The following OSBP2 variants were observed in gnomAD, a reference collection of about 807,000 sequenced individuals.
The protein encoded by OSBP2 is oxysterol binding protein 2.
OSBP2 carries 66 observed loss-of-function variants against 96.0 expected under a neutral mutation model. The observed-to-expected ratio is 0.69, with a 90% CI of 0.56 to 0.84. The LOEUF is 0.84. OSBP2 is among the 40% of genes least tolerant of loss of function. The probability of loss-of-function intolerance (pLI) is 0.00; values close to 1 mark genes in which losing one functional copy is unlikely to be tolerated. For missense variants in OSBP2, 1,038 were observed against 1,222.7 expected (o/e 0.85, Z 2.25); for synonymous variants, 525 against 520.9 (o/e 1.01, Z -0.11).
rs199929883 is a variant in OSBP2, at chr22:30,897,952, G to GAAA, written c.2375+3966_2375+3968dup. On this transcript the variant is annotated intron_variant, in intron 12 of 13. Transcript: ENST00000332585. ...GTGACAGAGTGAGACTCCGTCTCAGGAAAAAAAAAAAAAAAAAGATATTTA... is the reference window on the plus strand; with the variant it reads ...GTGACAGAGTGAGACTCCGTCTCAGGAAAAAAAAAAAAAAAAAAAAGATATTTA... Among the ~76,000 whole-genome samples the GAAA allele has an allele frequency of 2.8e-3, 299 of 105,364 alleles. 1 individual carries two copies. The highest frequency in any genetic ancestry group is 9.3e-3 in the African/African-American group (276 of 29,656). The allele number at this position is 105,364 out of a possible 152,430, so 69.1% of individuals were successfully genotyped here.
chr22:30,813,168 A>G lies in OSBP2; in HGVS notation c.854-57261A>G, dbSNP rs926020890. Reference sequence around the variant, plus strand: ...GGAGCCTGGAGGCTTACGATGTTGCATTCTTTTTTTTTTTTTTTTTTTTTT... The same window carrying G: ...GGAGCCTGGAGGCTTACGATGTTGCGTTCTTTTTTTTTTTTTTTTTTTTTT... On this transcript the variant is annotated intron_variant, in intron 2 of 13. Coordinates refer to ENST00000332585, the MANE Select transcript of OSBP2 (RefSeq NM_030758.4). Among the ~76,000 whole-genome samples, 20 of 118,780 alleles carry G rather than the reference A, an allele frequency of 1.7e-4. 3 individuals carry two copies. The highest frequency in any genetic ancestry group is 1.5e-3 in the Admixed American group (17 of 11,668). 77.9% of individuals were successfully genotyped at this position (118,780 alleles called of 152,430 possible).
chr22:30,774,356 A>G (rs1191979386), intron 2 of OSBP2, among the ~76,000 whole-genome samples: 1 of 152,158 alleles, frequency 6.6e-6, no homozygotes, highest in African/African-American at 2.4e-5. Flanking sequence ...AGCCAACAAT[A>G]AAGTTGGGCC....
intron 2 of OSBP2, among the ~76,000 whole-genome samples, chr22:30,819,048 C>A (rs1389136669): frequency 6.6e-6 from 1 of 152,094 alleles, no homozygotes; most frequent in Non-Finnish European, 1.5e-5. Flanking sequence ...CAAAAGACAC[C>A]CGTGGGCCAG....
intron 12 of OSBP2, among the ~76,000 whole-genome samples, chr22:30,899,958 A>G (rs1420385569): frequency 6.6e-6 from 1 of 152,218 alleles, no homozygotes; most frequent in East Asian, 1.9e-4. Flanking sequence ...GAAAAATGCA[A>G]TTTAAGATAA....
At chr22:30,882,739 TGA>T (rs2039730063) in intron 3 of OSBP2, among the ~76,000 whole-genome samples, 1 of 152,202 alleles carries the variant, frequency 6.6e-6, no homozygotes, top group African/African-American at 2.4e-5. Context: ...CCATTTTCTA[TGA>T]GAGGCTATCA....
At chr22:30,701,728 G>A (rs1050271621) in intron 1 of OSBP2, among the ~76,000 whole-genome samples, 2 of 152,156 alleles carry the variant, frequency 1.3e-5, no homozygotes, top group East Asian at 3.8e-4. Flanking sequence ...ATGAAGTTGA[G>A]GGTGCAAGTG....
Position 30,708,029 on chromosome 22 carries a change from G to A in OSBP2, c.644+12476G>A, listed in dbSNP as rs140590699. ...CACCCTCCCGAGTCGATGGGATTAC[G>A]GGCATCTGCCACCATGCCTGGCTAA... is the stretch of plus-strand genomic sequence containing the variant. On this transcript the variant is annotated intron_variant, in intron 1 of 13. Transcript: ENST00000332585. Among the ~76,000 whole-genome samples, 677 of 151,612 alleles carry A rather than the reference G, an allele frequency of 4.5e-3. 5 individuals are homozygous for A. The highest frequency in any genetic ancestry group is 0.015 in the African/African-American group (622 of 41,340).
chr22:30,817,208 AT>A (rs1304700408), intron 2 of OSBP2, among the ~76,000 whole-genome samples: 1 of 152,238 alleles, frequency 6.6e-6, no homozygotes, highest in African/African-American at 2.4e-5. Flanking sequence ...AAGAATGGCT[AT>A]TCTTAGAACA....
At chr22:30,762,306 T>A (rs13056539) in intron 2 of OSBP2, among the ~76,000 whole-genome samples, 38,345 of 151,958 alleles carry the variant, frequency 0.25, 4,978 homozygotes, top group East Asian at 0.3. Context: ...TCTCAGCACT[T>A]TGGGAGGCCA....
intron 12 of OSBP2, among the ~76,000 whole-genome samples, chr22:30,900,381 G>T (rs1430859724): frequency 1.1e-4 from 16 of 151,958 alleles, no homozygotes; most frequent in Admixed American, 1.1e-3. Flanking sequence ...CTAAATAAAT[G>T]GAGAAAGATA....
chr22:30,744,903 G>C (rs2089979620), intron 2 of OSBP2, among the ~76,000 whole-genome samples: 1 of 152,088 alleles, frequency 6.6e-6, no homozygotes, highest in African/African-American at 2.4e-5. Flanking sequence ...ACATTTTTCA[G>C]GATAGACCAT....
At chr22:30,727,786 A>G (rs966543960) in intron 1 of OSBP2, among the ~76,000 whole-genome samples, 3 of 152,064 alleles carry the variant, frequency 2.0e-5, no homozygotes, top group African/African-American at 7.2e-5. Flanking sequence ...ACCCTGAAAA[A>G]CCACTACGCC....
chr22:30,725,466 G>T (rs1052814276), intron 1 of OSBP2, among the ~76,000 whole-genome samples: 2 of 151,372 alleles, frequency 1.3e-5, no homozygotes, highest in South Asian at 2.1e-4. Flanking sequence ...AGCTGAGATC[G>T]CACCACTGCA....
At chr22:30,828,681 G>C (rs548244513) in intron 2 of OSBP2, among the ~76,000 whole-genome samples, 129 of 152,328 alleles carry the variant, frequency 8.5e-4, no homozygotes, top group African/African-American at 3.0e-3. Flanking sequence ...GGAGCAGCAT[G>C]TCGGAGGTGC....
chr22:30,753,831 G>A (rs571009780), intron 2 of OSBP2, among the ~76,000 whole-genome samples: 1 of 152,336 alleles, frequency 6.6e-6, no homozygotes, highest in East Asian at 1.9e-4. Context: ...GAAGTTATGA[G>A]AGGGATTTGA....
chr22:30,899,860 C>A (rs2040158549), intron 12 of OSBP2, among the ~76,000 whole-genome samples: 1 of 152,110 alleles, frequency 6.6e-6, no homozygotes, highest in Non-Finnish European at 1.5e-5. Flanking sequence ...ATCATATTAA[C>A]AGATTTCAAT....
chr22:30,733,830 A>G (rs1237473187), intron 1 of OSBP2, among the ~76,000 whole-genome samples: 1 of 152,174 alleles, frequency 6.6e-6, no homozygotes, highest in South Asian at 2.1e-4. Context: ...GAATCGGTGT[A>G]GTTAACTTAG....
At chr22:30,764,418 G>A in intron 2 of OSBP2, 3 of 984,308 alleles carry the variant, frequency 3.0e-6, no homozygotes, top group Non-Finnish European at 3.6e-6. Flanking sequence ...ATTTCCTCCT[G>A]TTCCTGTTGG....
intron 2 of OSBP2, among the ~76,000 whole-genome samples, chr22:30,775,563 G>C (rs1277741908): frequency 6.6e-6 from 1 of 152,000 alleles, no homozygotes; most frequent in Admixed American, 6.6e-5. Context: ...AGGTTGCAGT[G>C]AGCCGAGATC....
Sources: gnomAD v4.1 joint callset for allele counts (sites outside exome capture counted in the v4.1 genomes callset) on GRCh38, gnomAD v4.1.1 for gene constraint, MANE v1.5 for transcripts, NCBI Gene and HGNC (gene_info 2026-07-23, HGNC 2026-07-21) for gene names.